SMC2: variants seen among roughly 807,000 people sequenced by gnomAD.
SMC2 encodes the protein structural maintenance of chromosomes 2.
In SMC2, 41 loss-of-function variants were observed where a neutral mutation model predicts 142.6. That is an observed-to-expected ratio of 0.29 (90% CI 0.22 to 0.37). The LOEUF is 0.37. Ranked by LOEUF, SMC2 falls within the 10% of genes least tolerant of loss-of-function variation. The probability of loss-of-function intolerance (pLI) is 1.00; values close to 1 mark genes in which losing one functional copy is unlikely to be tolerated. For synonymous variants in SMC2, 463 were observed against 457.5 expected, an observed-to-expected ratio of 1.01 and a Z score of -0.15; for missense variants, 1,265 against 1,373.7, an observed-to-expected ratio of 0.92 and a Z score of 1.25.
chr9:104,131,518 A>G (rs538241426), intron 21 of SMC2, among the ~76,000 whole-genome samples: 2 of 152,242 alleles, frequency 1.3e-5, no homozygotes, highest in South Asian at 4.1e-4. Context: ...TAAAATTAAA[A>G]AAAAGTAAGG....
rs1006623701 is a variant in SMC2 at position 104,141,168 on chromosome 9, C to A, written c.*1853C>A. On this transcript the variant is annotated 3_prime_UTR_variant, in exon 25 of 25. Coordinates refer to ENST00000374793, the MANE Select transcript of SMC2 (RefSeq NM_006444.3). ...CTTTCTTTACATTAGCTGCTGTTCTCATTTGTATGTATTGTCATATTTAAT... is the reference window on the plus strand; with the variant it reads ...CTTTCTTTACATTAGCTGCTGTTCTAATTTGTATGTATTGTCATATTTAAT... 1 of 152,132 alleles carries A rather than the reference C, an allele frequency of 6.6e-6. No homozygotes were observed. 9.4% of individuals were successfully genotyped at this position (152,132 alleles called of 1,614,324 possible).
chr9:104,126,340 C>A (rs563183030), intron 18 of SMC2, among the ~76,000 whole-genome samples: 1 of 151,966 alleles, frequency 6.6e-6, no homozygotes, highest in South Asian at 2.1e-4. Context: ...GCTTTACTTC[C>A]AGTAATTCAT....
At chr9:104,129,591 C>T (rs1834713738) in intron 20 of SMC2, 54 bp from the exon 21 acceptor site, 3 of 1,329,728 alleles carry the variant, frequency 2.3e-6, no homozygotes, top group Non-Finnish European at 3.2e-6. Context: ...CTGGCTTATA[C>T]ATATTGGTTT....
intron 3 of SMC2, 51 bp from the exon 4 acceptor site, chr9:104,098,395 G>A: frequency 2.0e-6 from 3 of 1,474,946 alleles, no homozygotes; most frequent in Non-Finnish European, 2.7e-6. Context: ...GTTTATCCTA[G>A]CACAAGGTGT....
intron 20 of SMC2, 62 bp downstream of exon 20, chr9:104,127,542 A>G: frequency 7.6e-7 from 1 of 1,307,758 alleles, no homozygotes; most frequent in Non-Finnish European, 1.0e-6. Flanking sequence ...TCTTGAAAAA[A>G]TTTAGAAAAC....
intron 7 of SMC2, among the ~76,000 whole-genome samples, chr9:104,101,393 G>C (rs74588104): frequency 0.057 from 8,626 of 152,110 alleles, 656 homozygotes; most frequent in African/African-American, 0.18. Flanking sequence ...TGATTTAGTA[G>C]AAAACACTAG....
intron 23 of SMC2, among the ~76,000 whole-genome samples, chr9:104,136,405 C>G: frequency 6.6e-6 from 1 of 151,878 alleles, no homozygotes; most frequent in East Asian, 1.9e-4. Flanking sequence ...AATTGGATTC[C>G]ACAGTTTAGT....
rs758860924 is a variant in SMC2, at chr9:104,102,164, A to C, written c.841A>C (p.Ile281Leu). Residue 281 changes from isoleucine to leucine, a missense_variant, in exon 8 of 25, where the codon ATA (isoleucine) becomes CTA (leucine). Around this residue, in one of 4 missense-constraint regions of SMC2, gnomAD observed 898 missense variants for 904.2 expected, o/e 0.99. Coordinates refer to ENST00000374793, the MANE Select transcript of SMC2 (RefSeq NM_006444.3). ...AAAAATAAAAGCACTTAATCATGAA[A>C]TAGAAGAATTGGAAAAAAGAAAAGA... Reference protein sequence around the residue: ...DKKIKALNHEIEELEKRKDKE... With the variant: ...DKKIKALNHELEELEKRKDKE... 4 of 1,564,904 alleles carry C rather than the reference A, an allele frequency of 2.6e-6. No individual in the cohort carries two copies. In the Admixed American group the frequency reaches 6.9e-5, roughly 27 times the overall value.
intron 15 of SMC2, 69 bp from the exon 16 acceptor site, chr9:104,119,955 TAGA>T: frequency 1.4e-6 from 2 of 1,403,502 alleles, no homozygotes; most frequent in South Asian, 1.3e-5. Context: ...ATAATTCTCT[TAGA>T]AGACTTTTTA....
chr9:104,136,753 T>G (rs1424097411), intron 23 of SMC2, among the ~76,000 whole-genome samples: 1 of 149,342 alleles, frequency 6.7e-6, no homozygotes, highest in African/African-American at 2.5e-5. Context: ...TACTGTTTTA[T>G]TCTTTTTTTT....
intron 16 of SMC2, 64 bp downstream of exon 16, chr9:104,120,226 CTT>C: frequency 1.4e-6 from 2 of 1,404,880 alleles, no homozygotes; most frequent in South Asian, 2.8e-5. Context: ...AGAAAATTTA[CTT>C]TTATTTCAAG....
chr9:104,115,390 C>T (rs1428030876), intron 13 of SMC2, among the ~76,000 whole-genome samples: 1 of 151,928 alleles, frequency 6.6e-6, no homozygotes, highest in Non-Finnish European at 1.5e-5. Context: ...GCCTCAGCAA[C>T]GTGGCAAAAC....
chr9:104,094,359 T>C lies in SMC2; in HGVS notation c.-180T>C. ...GTGTTGAGAGCGGTGTGGCAGGTGT[T>C]GTAGCCGCTATGGTGAAGTTCGCTT... On this transcript the variant is annotated 5_prime_UTR_variant, in exon 1 of 25. Transcript: ENST00000374793. The C allele has an allele frequency of 2.5e-6, 1 of 398,738 alleles. No homozygotes were observed. The allele number at this position is 398,738 out of a possible 1,614,324, so 24.7% of individuals were successfully genotyped here.
At chr9:104,128,812 G>GC (rs1350680127) in intron 20 of SMC2, among the ~76,000 whole-genome samples, 1 of 152,168 alleles carries the variant, frequency 6.6e-6, no homozygotes, top group Non-Finnish European at 1.5e-5. Context: ...AATATACTGT[G>GC]CCTTTTTCAA....
At chr9:104,111,318 C>T (rs998076455) in intron 9 of SMC2, among the ~76,000 whole-genome samples, 1 of 152,076 alleles carries the variant, frequency 6.6e-6, no homozygotes, top group African/African-American at 2.4e-5. Flanking sequence ...TTGTTTAAAT[C>T]TGCAATTATT....
chr9:104,131,973 A>G (rs200013296), intron 21 of SMC2, 36 bp from the exon 22 acceptor site: 10 of 1,055,022 alleles, frequency 9.5e-6, no homozygotes, highest in Admixed American at 6.7e-5. Context: ...AAGAGATTTT[A>G]TATTTTCCCA....
intron 23 of SMC2, among the ~76,000 whole-genome samples, chr9:104,135,526 C>T (rs75861468): frequency 0.057 from 8,627 of 152,174 alleles, 658 homozygotes; most frequent in African/African-American, 0.18. Flanking sequence ...TTGAAGAAAT[C>T]ATGGCACCAT....
chr9:104,095,738 T>A (rs1355720350), intron 2 of SMC2, among the ~76,000 whole-genome samples, 186 bp downstream of exon 2: 1 of 152,196 alleles, frequency 6.6e-6, no homozygotes, highest in Non-Finnish European at 1.5e-5. Context: ...TTAGAGATGT[T>A]TAGAAGTAAC....
intron 16 of SMC2, among the ~76,000 whole-genome samples, chr9:104,122,649 TTCAAAAC>T (rs1451667963): frequency 1.3e-5 from 2 of 152,118 alleles, no homozygotes; most frequent in Admixed American, 6.6e-5. Context: ...AACAACTAAG[TTCAAAAC>T]TATTTTTCTT....
Sources: gnomAD v4.1 joint callset for allele counts (sites outside exome capture counted in the v4.1 genomes callset) on GRCh38, gnomAD v4.1.1 for gene constraint, gnomAD v4.1.1 regional missense constraint, MANE v1.5 for transcripts, NCBI Gene and HGNC (gene_info 2026-07-23, HGNC 2026-07-21) for gene names.